The following SPOCK3 variants were observed in gnomAD, a reference collection of about 807,000 sequenced individuals.
The protein encoded by SPOCK3 is SPARC (osteonectin), cwcv and kazal like domains proteoglycan 3.
Under a neutral mutation model 56.6 loss-of-function variants are expected in SPOCK3, and 30 were observed. That is an observed-to-expected ratio of 0.53 (90% CI 0.40 to 0.72). SPOCK3 has a LOEUF of 0.72. Among genes scored for constraint, SPOCK3 ranks in the 30% least tolerant of loss-of-function variants. The pLI is 0.00. For missense variants in SPOCK3, 527 were observed against 530.0 expected, an observed-to-expected ratio of 0.99 and a Z score of 0.06; for synonymous variants, 196 against 183.3, an observed-to-expected ratio of 1.07 and a Z score of -0.56.
At chr4:166,936,422 G>C (rs1442923509) in intron 4 of SPOCK3, among the ~76,000 whole-genome samples, 1 of 151,978 alleles carries the variant, frequency 6.6e-6, no homozygotes, top group African/African-American at 2.4e-5. Flanking sequence ...CTTATGTCTA[G>C]AGATTTCTGT....
intron 4 of SPOCK3, among the ~76,000 whole-genome samples, chr4:166,984,508 T>C (rs946317003): frequency 1.3e-5 from 2 of 151,808 alleles, no homozygotes; most frequent in East Asian, 3.9e-4. Flanking sequence ...ATACTGGGAG[T>C]TGTATTGTTT....
At chr4:166,845,284 G>C (rs906537596) in intron 6 of SPOCK3, among the ~76,000 whole-genome samples, 5 of 151,928 alleles carry the variant, frequency 3.3e-5, no homozygotes. Context: ...AGAACAATTG[G>C]TAAACCAAAA....
At chr4:167,197,812 T>C (rs1356884549) in intron 2 of SPOCK3, among the ~76,000 whole-genome samples, 1 of 152,192 alleles carries the variant, frequency 6.6e-6, no homozygotes, top group Non-Finnish European at 1.5e-5. Context: ...AGAAAGTATT[T>C]TGATCCTTAC....
intron 2 of SPOCK3, among the ~76,000 whole-genome samples, chr4:167,163,015 GT>G (rs1413294140): frequency 2.0e-5 from 3 of 151,640 alleles, no homozygotes; most frequent in Non-Finnish European, 4.4e-5. Flanking sequence ...CGTCATCCAT[GT>G]TTTATGACAC....
At chr4:166,880,492 C>T (rs894187003) in intron 6 of SPOCK3, among the ~76,000 whole-genome samples, 2 of 152,114 alleles carry the variant, frequency 1.3e-5, no homozygotes, top group African/African-American at 2.4e-5. Context: ...AATTCTCCAG[C>T]GTTTACTTTA....
At chr4:167,022,918 A>G (rs924016423) in intron 3 of SPOCK3, among the ~76,000 whole-genome samples, 1 of 152,036 alleles carries the variant, frequency 6.6e-6, no homozygotes, top group East Asian at 1.9e-4. Context: ...TTTGTTCCAC[A>G]TAAATGCCAC....
chr4:167,193,759 T>C (rs533220193), intron 2 of SPOCK3, among the ~76,000 whole-genome samples: 2 of 146,124 alleles, frequency 1.4e-5, no homozygotes, highest in Admixed American at 7.0e-5. Context: ...AGAGTTCTCT[T>C]ATAGGTGACA....
At chr4:167,051,846 C>T (rs1462774540) in intron 3 of SPOCK3, among the ~76,000 whole-genome samples, 1 of 152,156 alleles carries the variant, frequency 6.6e-6, no homozygotes, top group Admixed American at 6.5e-5. Context: ...CATTTCACTT[C>T]CTGAAAGTCA....
chr4:166,813,981 T>C (rs1306502170), intron 6 of SPOCK3, among the ~76,000 whole-genome samples: 1 of 151,990 alleles, frequency 6.6e-6, no homozygotes, highest in South Asian at 2.1e-4. Flanking sequence ...ATGGTAAAAC[T>C]TGAGTAAAAG....
At chr4:166,879,614 C>A (rs1414869207) in intron 6 of SPOCK3, among the ~76,000 whole-genome samples, 1 of 152,158 alleles carries the variant, frequency 6.6e-6, no homozygotes, top group Non-Finnish European at 1.5e-5. Context: ...GTTATTTTCA[C>A]CACTTTCCCT....
chr4:166,739,627 A>T (rs892545959), intron 9 of SPOCK3, among the ~76,000 whole-genome samples: 49 of 152,130 alleles, frequency 3.2e-4, no homozygotes, highest in African/African-American at 1.1e-3. Context: ...TTAAAAGTGA[A>T]GTCGTGTTTT....
intron 3 of SPOCK3, among the ~76,000 whole-genome samples, chr4:167,051,498 A>G (rs1002492860): frequency 6.6e-6 from 1 of 152,210 alleles, no homozygotes; most frequent in Non-Finnish European, 1.5e-5. Context: ...CTATTTCAGG[A>G]AGGACATGGG....
chr4:166,833,092 T>C (rs577821489), intron 6 of SPOCK3, among the ~76,000 whole-genome samples: 1 of 152,298 alleles, frequency 6.6e-6, no homozygotes, highest in Non-Finnish European at 1.5e-5. Flanking sequence ...AAACAAATAT[T>C]ATATACGTGT....
At chr4:167,149,787 G>C (rs1564862) in intron 2 of SPOCK3, among the ~76,000 whole-genome samples, 126,381 of 151,258 alleles carry the variant, frequency 0.84, 52,906 homozygotes, top group African/African-American at 0.88. Flanking sequence ...TGTAGAGAAC[G>C]TTCCACATTT....
intron 4 of SPOCK3, among the ~76,000 whole-genome samples, chr4:166,955,802 CTT>C (rs779733015): frequency 6.6e-6 from 1 of 151,656 alleles, no homozygotes; most frequent in Non-Finnish European, 1.5e-5. Context: ...CAAGCAATGA[CTT>C]TTATTTTTCC....
At chr4:166,936,612 T>A (rs1420846331) in intron 4 of SPOCK3, among the ~76,000 whole-genome samples, 1 of 152,068 alleles carries the variant, frequency 6.6e-6, no homozygotes, top group Admixed American at 6.5e-5. Flanking sequence ...TATTTTTCTT[T>A]ACAGGGATAA....
chr4:167,188,696 T>C, intron 2 of SPOCK3, among the ~76,000 whole-genome samples: 1 of 145,972 alleles, frequency 6.9e-6, no homozygotes, highest in East Asian at 2.1e-4. Flanking sequence ...AAAATATCAT[T>C]GTACTTGTTA....
At chr4:167,205,738 G>A (rs944882944) in intron 2 of SPOCK3, among the ~76,000 whole-genome samples, 4 of 147,044 alleles carry the variant, frequency 2.7e-5, no homozygotes, top group Admixed American at 2.1e-4. Context: ...TCAGCCTCCG[G>A]AGTAGCTGGG....
intron 5 of SPOCK3, among the ~76,000 whole-genome samples, chr4:166,897,866 A>T (rs1735556396): frequency 6.6e-6 from 1 of 152,144 alleles, no homozygotes. Context: ...AGGGTAGTGA[A>T]AGGCTCAACC....
Sources: gnomAD v4.1 joint callset for allele counts (sites outside exome capture counted in the v4.1 genomes callset) on GRCh38, gnomAD v4.1.1 for gene constraint, MANE v1.5 for transcripts, NCBI Gene and HGNC (gene_info 2026-07-23, HGNC 2026-07-21) for gene names.